The following RUNX2 variants were observed in gnomAD, a reference collection of about 807,000 sequenced individuals.
The protein encoded by RUNX2 is RUNX family transcription factor 2.
In RUNX2, 10 loss-of-function variants were observed where a neutral mutation model predicts 51.7. That is an observed-to-expected ratio of 0.19 (90% CI 0.12 to 0.33). The LOEUF (loss-of-function observed/expected upper bound fraction) is 0.33. RUNX2 is among the 10% of genes least tolerant of loss of function. RUNX2 has a pLI of 1.00. For missense variants in RUNX2, 562 were observed against 691.3 expected, an observed-to-expected ratio of 0.81 and a Z score of 2.10; for synonymous variants, 276 against 273.6, an observed-to-expected ratio of 1.01 and a Z score of -0.09.
At chr6:45,451,938 G>C (rs1799186106) in intron 5 of RUNX2, among the ~76,000 whole-genome samples, 1 of 152,138 alleles carries the variant, frequency 6.6e-6, no homozygotes, top group African/African-American at 2.4e-5. Flanking sequence ...AATAATGAGG[G>C]TAATTTGTCT....
chr6:45,498,955 G>A (rs761384557), intron 6 of RUNX2, among the ~76,000 whole-genome samples: 1 of 152,178 alleles, frequency 6.6e-6, no homozygotes, highest in Non-Finnish European at 1.5e-5. Flanking sequence ...GTGGGCCTGG[G>A]GTGATGTTGG....
intron 2 of RUNX2, among the ~76,000 whole-genome samples, chr6:45,416,612 A>G (rs1798073627): frequency 6.6e-6 from 1 of 152,226 alleles, no homozygotes; most frequent in Admixed American, 6.5e-5. Flanking sequence ...CCATAGGACA[A>G]TTGCCAACAC....
At chr6:45,452,342 A>G (rs1563093299) in intron 5 of RUNX2, among the ~76,000 whole-genome samples, 3 of 152,344 alleles carry the variant, frequency 2.0e-5, no homozygotes, top group Admixed American at 6.5e-5. Flanking sequence ...AGAAACCTTC[A>G]TGCATTTAAA....
intron 2 of RUNX2, among the ~76,000 whole-genome samples, chr6:45,376,910 TAC>T (rs948343813): frequency 6.6e-6 from 1 of 152,182 alleles, no homozygotes; most frequent in East Asian, 1.9e-4. Flanking sequence ...TACATATATA[TAC>T]ACACACATTT....
chr6:45,535,058 A>G (rs1470843619), intron 7 of RUNX2, among the ~76,000 whole-genome samples: 1 of 152,166 alleles, frequency 6.6e-6, no homozygotes, highest in Non-Finnish European at 1.5e-5. Context: ...ACATGGACAC[A>G]TAGAGGGGAA....
At position 45,550,686 on chromosome 6, in the gene RUNX2, T is replaced by A. The variant is rs1458310534; in HGVS notation, c.*3381T>A. ...TCATGTTTACAAATAACTGTTTGCT[T>A]TTTAATGCAGTACTTTGAAATATAT... On this transcript the variant is annotated 3_prime_UTR_variant, in exon 9 of 9. Coordinates refer to ENST00000647337, the MANE Select transcript of RUNX2 (RefSeq NM_001024630.4). 6.5e-6 allele frequency: 1 copy of A among 152,704 alleles called. No individual in the cohort carries two copies. The highest frequency in any genetic ancestry group is 2.4e-5 in the African/African-American group (1 of 41,480). 9.5% of individuals were successfully genotyped at this position (152,704 alleles called of 1,614,324 possible). A position where few individuals can be genotyped will look rare whatever the true frequency, so the allele number is the denominator to read the frequency against.
At chr6:45,516,239 C>T (rs151155147) in intron 7 of RUNX2, among the ~76,000 whole-genome samples, 102 of 152,248 alleles carry the variant, frequency 6.7e-4, no homozygotes, top group African/African-American at 2.0e-3. Context: ...TAATACTAGA[C>T]GTCTTCAAGT....
At chr6:45,527,705 A>C (rs1479036546) in intron 7 of RUNX2, among the ~76,000 whole-genome samples, 1 of 152,238 alleles carries the variant, frequency 6.6e-6, no homozygotes, top group Non-Finnish European at 1.5e-5. Context: ...TTCAGGCCAG[A>C]AATCCATTTT....
chr6:45,526,732 A>G (rs776531077), intron 7 of RUNX2, among the ~76,000 whole-genome samples: 5 of 152,222 alleles, frequency 3.3e-5, no homozygotes, highest in Non-Finnish European at 5.9e-5. Context: ...TGGCATAATA[A>G]TTAAACAGTC....
chr6:45,331,934 A>C (rs1336514636), intron 2 of RUNX2, among the ~76,000 whole-genome samples: 1 of 152,036 alleles, frequency 6.6e-6, no homozygotes, highest in Non-Finnish European at 1.5e-5. Flanking sequence ...TGTTAAAAGA[A>C]CACTGAAATA....
intron 2 of RUNX2, among the ~76,000 whole-genome samples, chr6:45,415,169 A>G (rs1055771586): frequency 6.6e-6 from 1 of 152,206 alleles, no homozygotes; most frequent in African/African-American, 2.4e-5. Flanking sequence ...TCTAAGTCCA[A>G]TGAGGACAGA....
At chr6:45,444,157 G>T (rs1250376154) in intron 5 of RUNX2, among the ~76,000 whole-genome samples, 1 of 152,158 alleles carries the variant, frequency 6.6e-6, no homozygotes, top group Non-Finnish European at 1.5e-5. Flanking sequence ...GCCAAGATTA[G>T]AGGTTTTATA....
rs2150456371 is a variant in RUNX2, at chr6:45,549,451, T to C, written c.*2146T>C. The C allele has an allele frequency of 2.5e-6, 1 of 398,390 alleles. No homozygotes were observed. Among genetic ancestry groups the C allele is most frequent in the East Asian group, 3.6e-5 (1 of 28,074 alleles). 24.7% of individuals were successfully genotyped at this position (398,390 alleles called of 1,614,324 possible). A position where few individuals can be genotyped will look rare whatever the true frequency, so the allele number is the denominator to read the frequency against. Reference sequence around the variant, plus strand: ...AAATGGATGGGAAAGCAAAACACTTTGCCTTCTAAAGGCCGTATACCAAGT... The same window carrying C: ...AAATGGATGGGAAAGCAAAACACTTCGCCTTCTAAAGGCCGTATACCAAGT... On this transcript the variant is annotated 3_prime_UTR_variant, in exon 9 of 9. Coordinates refer to ENST00000647337, the MANE Select transcript of RUNX2 (RefSeq NM_001024630.4).
chr6:45,536,787 T>A (rs958201152), intron 7 of RUNX2, among the ~76,000 whole-genome samples: 1 of 152,212 alleles, frequency 6.6e-6, no homozygotes, highest in Non-Finnish European at 1.5e-5. Context: ...CTCTTCAAAC[T>A]CTATCTGAAA....
intron 2 of RUNX2, among the ~76,000 whole-genome samples, chr6:45,404,917 C>A (rs1436131932): frequency 1.3e-5 from 2 of 152,258 alleles, no homozygotes; most frequent in Non-Finnish European, 2.9e-5. Context: ...ATCTGATTAA[C>A]CCTCTTGCCT....
At chr6:45,407,622 A>G (rs543348525) in intron 2 of RUNX2, among the ~76,000 whole-genome samples, 1 of 151,944 alleles carries the variant, frequency 6.6e-6, no homozygotes, top group Admixed American at 6.6e-5. Context: ...CCTCCCCACT[A>G]GCTGGGACTA....
chr6:45,447,038 G>A (rs1563091081), intron 5 of RUNX2, among the ~76,000 whole-genome samples: 1 of 152,200 alleles, frequency 6.6e-6, no homozygotes, highest in African/African-American at 2.4e-5. Context: ...TTAGGTTTAA[G>A]GCTTAAACCC....
At chr6:45,410,781 G>A (rs1797933378) in intron 2 of RUNX2, among the ~76,000 whole-genome samples, 1 of 152,148 alleles carries the variant, frequency 6.6e-6, no homozygotes, top group African/African-American at 2.4e-5. Flanking sequence ...CCTACATGTT[G>A]CCCCTTGTCT....
At chr6:45,490,949 A>G (rs570740712) in intron 5 of RUNX2, among the ~76,000 whole-genome samples, 163 of 152,200 alleles carry the variant, frequency 1.1e-3, no homozygotes, top group African/African-American at 3.8e-3. Flanking sequence ...GCACCACCCT[A>G]TAGATTTACT....
Sources: gnomAD v4.1 joint callset for allele counts (sites outside exome capture counted in the v4.1 genomes callset) on GRCh38, gnomAD v4.1.1 for gene constraint, MANE v1.5 for transcripts, NCBI Gene and HGNC (gene_info 2026-07-23, HGNC 2026-07-21) for gene names.